Variants in AIMP2 observed in about 807,000 individuals in gnomAD.
The protein encoded by AIMP2 is aminoacyl tRNA synthase complex-interacting multifunctional protein 2.
AIMP2 carries 20 observed loss-of-function variants against 23.4 expected under a neutral mutation model. The ratio of observed to expected loss-of-function variants is 0.85; its 90% CI spans 0.60 to 1.24. The LOEUF (loss-of-function observed/expected upper bound fraction) is 1.24, where lower values mean the gene tolerates loss of function less well. AIMP2 is among the 50% of genes most tolerant of loss of function. AIMP2 has a pLI of 0.00. For synonymous variants in AIMP2, 210 were observed against 170.4 expected (o/e 1.23, Z -1.81); for missense variants, 515 against 414.5 (o/e 1.24, Z -2.10).
chr7:6,017,164 C>T (rs895863307), intron 2 of AIMP2, among the ~76,000 whole-genome samples: 2 of 152,046 alleles, frequency 1.3e-5, no homozygotes, highest in South Asian at 2.1e-4. Context: ...TGGCCGTGGT[C>T]AGCTGTTGGA....
Position 6,009,469 on chromosome 7 carries a change from G to T in AIMP2, c.106G>T (p.Gly36Cys). 1.9e-6 allele frequency: 3 copies of T among 1,591,230 alleles called. No homozygotes were observed. The highest frequency in any genetic ancestry group is 2.6e-6 in the Non-Finnish European group (3 of 1,172,064). ...CCCCAACGTGCACGGCAGGAGCTAC[G>T]GCCCAGCGCCGGGCGCTGGCCACGT... ...RLPNVHGRSYGPAPGAGHVQE... is the reference protein window; with the variant it reads ...RLPNVHGRSYCPAPGAGHVQE... Residue 36 changes from glycine to cysteine, a missense_variant, in exon 1 of 4, where the codon GGC becomes TGC. Transcript: ENST00000223029.
intron 1 of AIMP2, among the ~76,000 whole-genome samples, chr7:6,011,701 T>C (rs1349927342): frequency 3.3e-5 from 5 of 152,226 alleles, no homozygotes; most frequent in East Asian, 3.8e-4. Flanking sequence ...CATAGTTCAA[T>C]GGTCCCTGCA....
At chr7:6,009,946 T>C in intron 1 of AIMP2, among the ~76,000 whole-genome samples, 1 of 35,988 alleles carries the variant, frequency 2.8e-5, no homozygotes, top group African/African-American at 1.2e-4. Flanking sequence ...CTAAACTCTA[T>C]CTCAAAAAAA....
chr7:6,011,337 G>A (rs758565133), intron 1 of AIMP2, among the ~76,000 whole-genome samples: 1 of 152,200 alleles, frequency 6.6e-6, no homozygotes, highest in Non-Finnish European at 1.5e-5. Flanking sequence ...GCTGGTGGGT[G>A]TAGCGTGGTA....
chr7:6,021,482 G>T (rs1562732793), intron 3 of AIMP2, among the ~76,000 whole-genome samples: 1 of 152,052 alleles, frequency 6.6e-6, no homozygotes, highest in Admixed American at 6.6e-5. Flanking sequence ...GGAGAAACCT[G>T]TGTCCAGATG....
intron 1 of AIMP2, among the ~76,000 whole-genome samples, chr7:6,011,089 C>G (rs997066225): frequency 6.6e-6 from 1 of 152,158 alleles, no homozygotes; most frequent in Non-Finnish European, 1.5e-5. Context: ...ATCCATCCTG[C>G]TTGCTCAGGG....
intron 3 of AIMP2, among the ~76,000 whole-genome samples, chr7:6,021,756 T>G (rs561621747): frequency 6.6e-6 from 1 of 152,176 alleles, no homozygotes; most frequent in Non-Finnish European, 1.5e-5. Flanking sequence ...GGCTTCTGAT[T>G]ATTCAAGGCT....
At chr7:6,014,965 C>T in intron 1 of AIMP2, 181 bp from the exon 2 acceptor site, 6 of 1,364,940 alleles carry the variant, frequency 4.4e-6, no homozygotes, top group Non-Finnish European at 5.8e-6. Flanking sequence ...GATGATCTGC[C>T]TACCTGGACC....
chr7:6,015,450 C>T (rs551941848), intron 2 of AIMP2, 98 bp downstream of exon 2: 156 of 1,351,510 alleles, frequency 1.2e-4, no homozygotes, highest in Non-Finnish European at 1.5e-4. Flanking sequence ...TCAGGCCGGG[C>T]GTGGTGGCTC....
At chr7:6,015,694 A>C (rs368491576) in intron 2 of AIMP2, among the ~76,000 whole-genome samples, 1 of 152,256 alleles carries the variant, frequency 6.6e-6, no homozygotes, top group African/African-American at 2.4e-5. Flanking sequence ...ACTACACTCC[A>C]GCCTGGGCGA....
intron 1 of AIMP2, among the ~76,000 whole-genome samples, chr7:6,013,629 G>C (rs912552216): frequency 6.6e-6 from 1 of 152,072 alleles, no homozygotes; most frequent in Non-Finnish European, 1.5e-5. Context: ...ACTAGAATGG[G>C]TGCGAGGTGG....
At chr7:6,013,672 C>T (rs1332869700) in intron 1 of AIMP2, among the ~76,000 whole-genome samples, 1 of 152,074 alleles carries the variant, frequency 6.6e-6, no homozygotes, top group African/African-American at 2.4e-5. Context: ...GGCCTGGCCA[C>T]GTGTGGTGGC....
chr7:6,009,528 G>T lies in AIMP2; in HGVS notation c.135+30G>T, dbSNP rs757341868. 3.4e-5 allele frequency: 48 copies of T among 1,413,686 alleles called. 1 individual carries two copies. In the Middle Eastern group the frequency reaches 1.3e-3, roughly 40 times the overall value. The allele number at this position is 1,413,686 out of a possible 1,614,324, so 87.6% of individuals were successfully genotyped here. A position where few individuals can be genotyped will look rare whatever the true frequency, so the allele number is the denominator to read the frequency against. ...GAGCGCGGGGCCCCCCGCCCAGTGC[G>T]CACGCGCGGCGACCGGCTGCTGGCC... On this transcript the variant is annotated intron_variant, in intron 1 of 3. Transcript: ENST00000223029.
rs189092086 is a variant in AIMP2, at chr7:6,013,834, C to T, written c.136-1312C>T. On this transcript the variant is annotated intron_variant, in intron 1 of 3. Transcript: ENST00000223029. ...GGCTTGGTGGCACACACTTGTAGTC[C>T]CAGGCACTCAGGAGACTAAGGCAGG... Among the ~76,000 whole-genome samples the T allele has an allele frequency of 1.9e-3, 288 of 151,960 alleles. 1 individual carries two copies. The highest frequency in any genetic ancestry group is 6.7e-3 in the African/African-American group (276 of 41,432).
intron 1 of AIMP2, chr7:6,013,035 G>A (rs1786788587): frequency 1.2e-5 from 11 of 891,488 alleles, no homozygotes; most frequent in Non-Finnish European, 1.5e-5. Flanking sequence ...TGATGCAGAT[G>A]GAGGGAACAG....
At chr7:6,009,966 AAAAAAAAAATAT>A (rs1786467218) in intron 1 of AIMP2, among the ~76,000 whole-genome samples, 1 of 40,174 alleles carries the variant, frequency 2.5e-5, no homozygotes, top group Non-Finnish European at 5.0e-5. Context: ...AAAAAAAAAA[AAAAAAAAAATAT>A]ATATATATAT....
At chr7:6,020,022 A>G (rs1339518234) in intron 3 of AIMP2, among the ~76,000 whole-genome samples, 1 of 144,780 alleles carries the variant, frequency 6.9e-6, no homozygotes, top group Non-Finnish European at 1.5e-5. Context: ...CTCCATCTCA[A>G]AAAAAAAAAA....
intron 3 of AIMP2, among the ~76,000 whole-genome samples, chr7:6,020,453 T>G (rs1562731445): frequency 1.3e-5 from 2 of 151,934 alleles, no homozygotes; most frequent in African/African-American, 4.8e-5. Flanking sequence ...AGCTTTTATG[T>G]GGGGTGCAGG....
At chr7:6,011,104 T>A (rs1379507730) in intron 1 of AIMP2, among the ~76,000 whole-genome samples, 1 of 152,206 alleles carries the variant, frequency 6.6e-6, no homozygotes, top group Non-Finnish European at 1.5e-5. Flanking sequence ...TCAGGGACAC[T>A]GGATTGTTTT....
Sources: allele counts gnomAD v4.1 joint callset (sites outside exome capture counted in the v4.1 genomes callset), GRCh38; gene constraint gnomAD v4.1.1; transcripts MANE v1.5; gene names NCBI Gene and HGNC (gene_info 2026-07-23, HGNC 2026-07-21).